SLC35F4: variants seen among roughly 807,000 people sequenced by gnomAD.
SLC35F4 encodes the protein chromosome 14 open reading frame 36.
SLC35F4 carries 24 observed loss-of-function variants against 44.2 expected under a neutral mutation model. The observed-to-expected ratio is 0.54, with a 90% CI of 0.39 to 0.76. SLC35F4 has a LOEUF of 0.76. SLC35F4 is among the 30% of genes least tolerant of loss of function. The pLI is 0.00. For synonymous variants in SLC35F4, 238 were observed against 223.6 expected (o/e 1.06, Z -0.57); for missense variants, 562 against 586.1 (o/e 0.96, Z 0.42).
chr14:57,937,036 A>G (rs946009544), intron 1 of SLC35F4, among the ~76,000 whole-genome samples: 5 of 151,090 alleles, frequency 3.3e-5, no homozygotes, highest in African/African-American at 1.2e-4. Context: ...TACATTTAGC[A>G]GCAGGAAATT....
intron 1 of SLC35F4, among the ~76,000 whole-genome samples, chr14:57,668,458 T>C (rs1366560274): frequency 6.6e-6 from 1 of 152,002 alleles, no homozygotes; most frequent in Non-Finnish European, 1.5e-5. Flanking sequence ...GTTTTTATGG[T>C]TTTAGGTCTA....
Position 57,589,213 on chromosome 14 carries a change from T to C in SLC35F4, c.587+3A>G, listed in dbSNP as rs1446617602. 28 of 1,600,102 alleles carry C rather than the reference T, an allele frequency of 1.7e-5. No homozygotes were observed. Among genetic ancestry groups the C allele is most frequent in the Non-Finnish European group, 2.2e-5 (26 of 1,173,666 alleles). On this transcript the variant is annotated splice_donor_region_variant and intron_variant, in intron 3 of 7. Coordinates refer to ENST00000556826, the MANE Select transcript of SLC35F4 (RefSeq NM_001306087.2). ...CTTATTGGGCAGTTAACATGAAACC[T>C]ACCTGAATTTTTTCATTGGAGATTG...
At chr14:57,933,701 T>C (rs1453772339) in intron 1 of SLC35F4, among the ~76,000 whole-genome samples, 1 of 152,110 alleles carries the variant, frequency 6.6e-6, no homozygotes, top group Admixed American at 6.5e-5. Context: ...CACACAAATA[T>C]TGACAAAATG....
At chr14:57,586,263 T>C (rs900438271) in intron 3 of SLC35F4, among the ~76,000 whole-genome samples, 5 of 152,002 alleles carry the variant, frequency 3.3e-5, no homozygotes, top group African/African-American at 9.7e-5. Context: ...GTTGGGAAAA[T>C]TGGCTAGCCA....
At chr14:57,613,603 G>A (rs2071635399) in intron 1 of SLC35F4, among the ~76,000 whole-genome samples, 1 of 152,220 alleles carries the variant, frequency 6.6e-6, no homozygotes, top group Admixed American at 6.5e-5. Context: ...TTTTCTACCT[G>A]AGATTCAGCA....
chr14:57,852,224 G>T (rs1238026364), intron 1 of SLC35F4, among the ~76,000 whole-genome samples: 2 of 152,156 alleles, frequency 1.3e-5, no homozygotes, highest in Admixed American at 6.5e-5. Context: ...TCTCAGAGGT[G>T]GTGGCACTTA....
chr14:57,688,379 C>G (rs751650317), intron 1 of SLC35F4, among the ~76,000 whole-genome samples: 3 of 152,096 alleles, frequency 2.0e-5, no homozygotes, highest in Non-Finnish European at 4.4e-5. Context: ...AAAAACAACT[C>G]AAATTGTTGC....
At chr14:57,856,062 A>C (rs1887054188) in intron 1 of SLC35F4, among the ~76,000 whole-genome samples, 1 of 151,962 alleles carries the variant, frequency 6.6e-6, no homozygotes, top group Non-Finnish European at 1.5e-5. Flanking sequence ...GCTGGAGTGC[A>C]ATGGCATGGT....
rs1008573990 is a variant in SLC35F4 at position 57,895,446 on chromosome 14, G to A, written n.282+86467C>T. 2.6e-5 allele frequency among the ~76,000 whole-genome samples: 4 copies of A among 152,202 alleles called. No homozygotes were observed. In the East Asian group the frequency reaches 5.8e-4, roughly 22 times the overall value. ...TGCCCAAATCTCATGCTAAATTGAA[G>A]GAGGGGCCTGGTCGGATGTGATCAG... On this transcript the variant is annotated intron_variant and non_coding_transcript_variant, in intron 1 of 1. Transcript: ENST00000556568.
intron 1 of SLC35F4, among the ~76,000 whole-genome samples, chr14:57,698,113 A>G (rs1357499130): frequency 2.6e-5 from 4 of 152,200 alleles, no homozygotes; most frequent in African/African-American, 9.7e-5. Context: ...GAGTTAATAT[A>G]AACTACTTAG....
At chr14:57,815,071 A>G (rs1882409953) in intron 1 of SLC35F4, among the ~76,000 whole-genome samples, 1 of 152,224 alleles carries the variant, frequency 6.6e-6, no homozygotes, top group Non-Finnish European at 1.5e-5. Flanking sequence ...TTGCTGCACT[A>G]CAACTGCAGA....
upstream of SLC35F4, among the ~76,000 whole-genome samples, chr14:57,868,217 A>G (rs1207814317): frequency 1.3e-5 from 2 of 152,222 alleles, no homozygotes; most frequent in African/African-American, 4.8e-5. Flanking sequence ...AAATTTTAAA[A>G]TAGCAAAGCA....
At chr14:57,570,115 C>A (rs2068422722) in intron 5 of SLC35F4, 135 bp from the exon 6 acceptor site, 1 of 711,818 alleles carries the variant, frequency 1.4e-6, no homozygotes. Flanking sequence ...ATCTTCACAG[C>A]ACTAGATGGG....
chr14:57,667,104 A>C (rs1829130787), intron 1 of SLC35F4, among the ~76,000 whole-genome samples: 1 of 150,998 alleles, frequency 6.6e-6, no homozygotes, highest in South Asian at 2.1e-4. Context: ...AGAGAAGAGC[A>C]GATTAAAGAA....
chr14:57,837,557 C>T (rs1056858892), intron 1 of SLC35F4: 8 of 152,164 alleles, frequency 5.3e-5, no homozygotes, highest in East Asian at 1.9e-4. Flanking sequence ...AGGGACCACA[C>T]GTGCGTATAG....
intron 1 of SLC35F4, among the ~76,000 whole-genome samples, chr14:57,893,048 T>G (rs1237354151): frequency 1.3e-5 from 2 of 152,160 alleles, no homozygotes; most frequent in Non-Finnish European, 2.9e-5. Context: ...ATAACAAAAA[T>G]AGTTATGGCT....
intron 1 of SLC35F4, among the ~76,000 whole-genome samples, chr14:57,681,793 G>C (rs1015962387): frequency 2.6e-5 from 4 of 151,828 alleles, no homozygotes; most frequent in African/African-American, 9.7e-5. Context: ...GACTTAAACA[G>C]ATTTACAAGA....
intron 1 of SLC35F4, among the ~76,000 whole-genome samples, chr14:57,782,299 T>C (rs1484752621): frequency 6.6e-6 from 1 of 152,066 alleles, no homozygotes; most frequent in East Asian, 1.9e-4. Flanking sequence ...ACATGGATTT[T>C]TTTTCAATAT....
intron 1 of SLC35F4, among the ~76,000 whole-genome samples, chr14:57,738,210 A>T (rs1035127577): frequency 6.6e-6 from 1 of 152,122 alleles, no homozygotes; most frequent in Non-Finnish European, 1.5e-5. Context: ...GATTGCAAAA[A>T]CTTTTGTTGA....
Sources: allele counts gnomAD v4.1 joint callset (sites outside exome capture counted in the v4.1 genomes callset), GRCh38; gene constraint gnomAD v4.1.1; transcripts MANE v1.5; gene names NCBI Gene and HGNC (gene_info 2026-07-23, HGNC 2026-07-21).